The following SMIM35 variants were observed in gnomAD, a reference collection of about 807,000 sequenced individuals.
SMIM35 encodes TMPRSS4 antisense RNA 1 (non-protein coding).
intron 1 of SMIM35, among the ~76,000 whole-genome samples, chr11:118,075,844 T>A (rs1044129035): frequency 2.0e-5 from 3 of 152,198 alleles, no homozygotes; most frequent in African/African-American, 7.2e-5. Context: ...GCCCACAGAA[T>A]GGGGGAACAA....
chr11:118,063,687 G>T (rs1011475746), intron 1 of SMIM35, among the ~76,000 whole-genome samples: 18 of 152,290 alleles, frequency 1.2e-4, no homozygotes, highest in African/African-American at 4.3e-4. Context: ...AGAGGGGCTG[G>T]AGGGTAAGTT....
At chr11:118,070,005 G>A (rs1226899112) in intron 1 of SMIM35, among the ~76,000 whole-genome samples, 1 of 152,138 alleles carries the variant, frequency 6.6e-6, no homozygotes, top group Non-Finnish European at 1.5e-5. Flanking sequence ...AGGTTGCAGT[G>A]AGTCGAGATC....
Position 118,015,798 on chromosome 11 carries a change from T to A in SMIM35, c.19A>T (p.Ile7Phe). 1 of 399,280 alleles carries A rather than the reference T, an allele frequency of 2.5e-6. No individual in the cohort carries two copies. Among genetic ancestry groups the A allele is most frequent in the Non-Finnish European group, 4.4e-6 (1 of 226,208 alleles). 24.7% of individuals were successfully genotyped at this position (399,280 alleles called of 1,614,324 possible). The part of the protein sequence containing the change: MTGEDS[I>F]STLGLILGVG... ...CCAAGGATCAGGCCCAAGGTGCTGA[T>A]GGAGTCCTCACCTGCAGAGACATGC... is the stretch of plus-strand genomic sequence containing the variant. The change falls in exon 2 of 5, where the codon ATC becomes TTC. Residue 7 changes from isoleucine (I) to phenylalanine (F), a missense_variant. By Grantham distance (21) the Ile-to-Phe change is conservative (BLOSUM62 0). Coordinates refer to ENST00000689828, the MANE Select transcript of SMIM35 (RefSeq NM_001394165.1).
At chr11:118,033,898 T>C (rs1460864747) in intron 1 of SMIM35, among the ~76,000 whole-genome samples, 2 of 152,224 alleles carry the variant, frequency 1.3e-5, no homozygotes, top group Non-Finnish European at 2.9e-5. Flanking sequence ...AGATACTTAA[T>C]TTCTCCGAAA....
chr11:118,069,915 G>T (rs1944543655), intron 1 of SMIM35, among the ~76,000 whole-genome samples: 1 of 152,132 alleles, frequency 6.6e-6, no homozygotes, highest in Admixed American at 6.5e-5. Flanking sequence ...TACAAAATTA[G>T]CCAGGGGTGG....
chr11:118,007,350 GCGCT>G (rs2058127351), intron 4 of SMIM35, among the ~76,000 whole-genome samples: 1 of 152,194 alleles, frequency 6.6e-6, no homozygotes, highest in African/African-American at 2.4e-5. Context: ...CAGAGAGCTT[GCGCT>G]CACCAGCTAC....
chr11:118,012,838 G>A (rs1341551338), intron 4 of SMIM35, among the ~76,000 whole-genome samples: 1 of 152,214 alleles, frequency 6.6e-6, no homozygotes, highest in Non-Finnish European at 1.5e-5. Context: ...TTTGCTTATT[G>A]AAGCTATGAG....
rs552771457 is a variant in SMIM35, at chr11:118,023,758, C to T, written c.8-7949G>A. ...TAATAAAACAAATGAAAAAGCTGGG[C>T]GTGGTGGCTCACGCCTGTAATCCCA... On this transcript the variant is annotated intron_variant, in intron 1 of 4. Transcript: ENST00000689828. Among the ~76,000 whole-genome samples, 18 of 152,084 alleles carry T rather than the reference C, an allele frequency of 1.2e-4. No individual in the cohort carries two copies. In the Middle Eastern group the frequency reaches 0.017, roughly 144 times the overall value.
At chr11:118,017,962 C>T (rs2135026983) in intron 1 of SMIM35, among the ~76,000 whole-genome samples, 1 of 152,274 alleles carries the variant, frequency 6.6e-6, no homozygotes, top group Admixed American at 6.5e-5. Flanking sequence ...AGGTCCTTCC[C>T]ACAACACATG....
chr11:118,070,392 G>T (rs1944552786), intron 1 of SMIM35, among the ~76,000 whole-genome samples: 1 of 152,128 alleles, frequency 6.6e-6, no homozygotes, highest in African/African-American at 2.4e-5. Context: ...GGCCAGGCTG[G>T]TCTCGAACTC....
intron 1 of SMIM35, among the ~76,000 whole-genome samples, chr11:118,053,844 A>G (rs559708328): frequency 6.6e-6 from 1 of 152,318 alleles, no homozygotes; most frequent in Non-Finnish European, 1.5e-5. Context: ...GCAAGGTCTC[A>G]GAGAGGAAAA....
intron 1 of SMIM35, chr11:118,029,883 A>G (rs1451269603): frequency 6.9e-6 from 3 of 435,942 alleles, no homozygotes; most frequent in Non-Finnish European, 9.2e-6. Flanking sequence ...CACATCACCA[A>G]GTGTTCTTTA....
intron 1 of SMIM35, among the ~76,000 whole-genome samples, chr11:118,041,643 T>C (rs1438047548): frequency 2.0e-5 from 3 of 151,924 alleles, no homozygotes; most frequent in East Asian, 3.9e-4. Context: ...ACACCAAAAC[T>C]TGTGGGATGC....
chr11:118,081,630 C>A (rs1217997772), intron 1 of SMIM35, among the ~76,000 whole-genome samples: 1 of 152,246 alleles, frequency 6.6e-6, no homozygotes, highest in East Asian at 1.9e-4. Flanking sequence ...GTGGCAGTCG[C>A]GTCTCCTGTC....
In SMIM35 at chr11:118,014,429, GATGA is replaced by G. The variant is rs1173286754; in HGVS notation, c.158+275_158+278del. On this transcript the variant is annotated intron_variant, in intron 3 of 4. Coordinates refer to ENST00000689828, the MANE Select transcript of SMIM35 (RefSeq NM_001394165.1). ...GGATGGATGGATGGATGGATGGATG[GATGA>G]ATGGATGGATGGATGGGTGGATGGA... Among the ~76,000 whole-genome samples the G allele has an allele frequency of 6.7e-3, 900 of 133,778 alleles. 8 individuals are homozygous for G. The highest frequency in any genetic ancestry group is 0.023 in the African/African-American group (855 of 37,660). 87.8% of individuals were successfully genotyped at this position (133,778 alleles called of 152,430 possible).
chr11:118,035,962 A>G (rs969537149), intron 1 of SMIM35, among the ~76,000 whole-genome samples: 2 of 152,190 alleles, frequency 1.3e-5, no homozygotes, highest in African/African-American at 4.8e-5. Flanking sequence ...GTCTCGGCTC[A>G]CTACAACCTT....
At chr11:118,014,772 G>A (rs2058170201) in intron 2 of SMIM35, 31 bp from the exon 3 acceptor site, 2 of 398,906 alleles carry the variant, frequency 5.0e-6, no homozygotes, top group East Asian at 7.1e-5. Context: ...GAGAGGGTTA[G>A]CACCTCCAGG....
chr11:118,054,606 T>C (rs977774739), intron 1 of SMIM35, among the ~76,000 whole-genome samples: 3 of 152,142 alleles, frequency 2.0e-5, no homozygotes, highest in South Asian at 2.1e-4. Flanking sequence ...ATAACTCTTA[T>C]ACCCATGCAA....
intron 1 of SMIM35, among the ~76,000 whole-genome samples, chr11:118,034,809 G>A (rs543920747): frequency 6.6e-6 from 1 of 152,300 alleles, no homozygotes; most frequent in South Asian, 2.1e-4. Context: ...ATGACAAGGG[G>A]GACGAGGAGC....
Sources: gnomAD v4.1 joint callset for allele counts (sites outside exome capture counted in the v4.1 genomes callset) on GRCh38, gnomAD v4.1.1 for gene constraint, MANE v1.5 for transcripts, NCBI Gene and HGNC (gene_info 2026-07-23, HGNC 2026-07-21) for gene names.